Variants in NFIA observed in about 807,000 individuals in gnomAD.
The protein encoded by NFIA is nuclear factor I A.
A neutral mutation model predicts 62.8 loss-of-function variants in NFIA; 8 were observed. That is an observed-to-expected ratio of 0.13 (90% CI 0.07 to 0.23). The LOEUF (loss-of-function observed/expected upper bound fraction) is 0.23. Ranked by LOEUF, NFIA falls within the 10% of genes least tolerant of loss-of-function variation. The pLI is 1.00. For synonymous variants in NFIA, 235 were observed against 238.1 expected (o/e 0.99, Z 0.12); for missense variants, 410 against 642.1 (o/e 0.64, Z 3.91).
At chr1:61,420,347 T>C (rs191131106) in intron 9 of NFIA, among the ~76,000 whole-genome samples, 4 of 152,158 alleles carry the variant, frequency 2.6e-5, no homozygotes, top group African/African-American at 4.8e-5. Context: ...TCTGCATTAT[T>C]TTTAGAAATG....
upstream of NFIA, chr1:61,081,743 C>T: frequency 1.2e-6 from 1 of 847,796 alleles, no homozygotes; most frequent in Non-Finnish European, 1.8e-6. Context: ...GGCACTGATT[C>T]CTCACCACCC....
At chr1:61,097,017 C>G (rs1646428058) in intron 2 of NFIA, among the ~76,000 whole-genome samples, 1 of 152,028 alleles carries the variant, frequency 6.6e-6, no homozygotes, top group Admixed American at 6.5e-5. Context: ...AGCAGCTGAA[C>G]TGAACTTACA....
chr1:61,260,502 A>G (rs1337930482), intron 2 of NFIA, among the ~76,000 whole-genome samples: 1 of 152,248 alleles, frequency 6.6e-6, no homozygotes, highest in South Asian at 2.1e-4. Context: ...TGCTTGGCAC[A>G]TAGTACATGC....
chr1:61,149,223 A>G (rs1001651872), intron 2 of NFIA, among the ~76,000 whole-genome samples: 1 of 152,076 alleles, frequency 6.6e-6, no homozygotes, highest in Non-Finnish European at 1.5e-5. Flanking sequence ...GATTTAACTT[A>G]GGAAAGTTTG....
At chr1:61,187,502 C>T (rs551635108) in intron 2 of NFIA, among the ~76,000 whole-genome samples, 6 of 152,304 alleles carry the variant, frequency 3.9e-5, no homozygotes, top group African/African-American at 1.2e-4. Flanking sequence ...GTGTAAGGAG[C>T]GGTGGTGGTG....
chr1:61,121,240 T>C (rs542974887), intron 2 of NFIA, among the ~76,000 whole-genome samples: 1 of 152,196 alleles, frequency 6.6e-6, no homozygotes, highest in East Asian at 1.9e-4. Context: ...TTTTATTAGG[T>C]AATATGCTAT....
At chr1:61,349,231 GT>G (rs920216104) in intron 4 of NFIA, among the ~76,000 whole-genome samples, 10 of 151,292 alleles carry the variant, frequency 6.6e-5, no homozygotes, top group South Asian at 2.1e-4. Flanking sequence ...AAGCCTCACC[GT>G]TTTTTTTTAA....
intron 2 of NFIA, among the ~76,000 whole-genome samples, chr1:61,136,502 G>T (rs1198048479): frequency 2.0e-5 from 3 of 152,198 alleles, no homozygotes; most frequent in Non-Finnish European, 4.4e-5. Flanking sequence ...AGTATAAAAA[G>T]GCTGGGGGAG....
At chr1:61,322,658 G>A (rs539147806) in intron 3 of NFIA, among the ~76,000 whole-genome samples, 15 of 152,280 alleles carry the variant, frequency 9.9e-5, no homozygotes, top group Non-Finnish European at 1.8e-4. Context: ...TATCAACCAC[G>A]TATATGTGTG....
intron 2 of NFIA, among the ~76,000 whole-genome samples, chr1:61,128,304 G>A (rs1647011273): frequency 6.6e-6 from 1 of 151,962 alleles, no homozygotes; most frequent in South Asian, 2.1e-4. Flanking sequence ...GTGAGATATG[G>A]TCTACAGGGA....
intron 2 of NFIA, among the ~76,000 whole-genome samples, chr1:61,206,569 C>A (rs1652913813): frequency 6.6e-6 from 1 of 152,122 alleles, no homozygotes; most frequent in Non-Finnish European, 1.5e-5. Context: ...TTTCTTTCAC[C>A]AGCATTGATA....
Position 61,098,491 on chromosome 1 carries a change from G to A in NFIA, c.559+9811G>A, listed in dbSNP as rs1646455711. Among the ~76,000 whole-genome samples the A allele has an allele frequency of 4.6e-5, 7 of 152,274 alleles. No individual in the cohort carries two copies. In the South Asian group the frequency reaches 1.2e-3, roughly 27 times the overall value. On this transcript the variant is annotated intron_variant, in intron 2 of 10. Transcript: ENST00000403491. ...CTTTCCTCCCCCTCTTCTTTTAAAT[G>A]GTAGAGGTTCTCTTTTGGAGAGTAG...
chr1:61,446,848 G>A (rs1667832451), intron 10 of NFIA, among the ~76,000 whole-genome samples: 1 of 152,198 alleles, frequency 6.6e-6, no homozygotes, highest in Admixed American at 6.5e-5. Flanking sequence ...TTTGGGAAGA[G>A]CAAGAGCGAG....
chr1:61,237,417 C>T (rs541260868), intron 2 of NFIA, among the ~76,000 whole-genome samples: 40 of 152,098 alleles, frequency 2.6e-4, no homozygotes, highest in Non-Finnish European at 4.0e-4. Flanking sequence ...ACATTAGCAA[C>T]AGAAGAATTA....
chr1:61,080,531 G>A (rs1381886891), upstream of NFIA, among the ~76,000 whole-genome samples: 1 of 152,176 alleles, frequency 6.6e-6, no homozygotes, highest in Non-Finnish European at 1.5e-5. Context: ...TTCTATCGAG[G>A]AAACTTGGAG....
chr1:61,332,500 T>C lies in NFIA; in HGVS notation c.626-12T>C. On this transcript the variant is annotated splice_polypyrimidine_tract_variant and intron_variant, in intron 3 of 10. Coordinates refer to ENST00000403491, the MANE Select transcript of NFIA (RefSeq NM_001134673.4). ...TATGACACTTTGTTTTCTTTTGTTT[T>C]TGTTTCCCCAGGACATTTGGGCTTC... 1 of 1,613,442 alleles carries C rather than the reference T, an allele frequency of 6.2e-7. No homozygotes were observed. The highest frequency in any genetic ancestry group is 1.3e-5 in the African/African-American group (1 of 75,024).
intron 2 of NFIA, among the ~76,000 whole-genome samples, chr1:61,145,005 C>T (rs1015738821): frequency 3.3e-5 from 5 of 152,194 alleles, no homozygotes; most frequent in Admixed American, 6.5e-5. Context: ...CAGAGTATGA[C>T]ATTGCCTTCC....
At chr1:61,218,254 G>C (rs1653772373) in intron 2 of NFIA, among the ~76,000 whole-genome samples, 1 of 152,228 alleles carries the variant, frequency 6.6e-6, no homozygotes, top group African/African-American at 2.4e-5. Flanking sequence ...AATTGTAAGA[G>C]ATGTTTGAAG....
intron 10 of NFIA, among the ~76,000 whole-genome samples, chr1:61,440,803 T>C (rs929357267): frequency 1.8e-4 from 27 of 152,296 alleles, no homozygotes; most frequent in African/African-American, 6.3e-4. Context: ...TAAATGTCTT[T>C]ATATGATGAC....
Sources: gnomAD v4.1 joint callset for allele counts (sites outside exome capture counted in the v4.1 genomes callset) on GRCh38, gnomAD v4.1.1 for gene constraint, MANE v1.5 for transcripts, NCBI Gene and HGNC (gene_info 2026-07-23, HGNC 2026-07-21) for gene names.